Variants in ATG7 observed in about 807,000 individuals in gnomAD.
ATG7 encodes autophagy related 7.
A neutral mutation model predicts 82.4 loss-of-function variants in ATG7; 70 were observed. That is an observed-to-expected ratio of 0.85 (90% confidence interval 0.70 to 1.04). The LOEUF is 1.04. Ranked by LOEUF, ATG7 falls within the 50% of genes least tolerant of loss-of-function variation. The pLI, the probability that ATG7 is intolerant of heterozygous loss-of-function variation, is 0.00. For missense variants in ATG7, 792 were observed against 864.3 expected, an observed-to-expected ratio of 0.92 and a Z score of 1.05; for synonymous variants, 287 against 313.0, an observed-to-expected ratio of 0.92 and a Z score of 0.88.
At chr3:11,459,865 C>T (rs2086136818) in intron 20 of ATG7, among the ~76,000 whole-genome samples, 1 of 152,182 alleles carries the variant, frequency 6.6e-6, no homozygotes, top group Non-Finnish European at 1.5e-5. Flanking sequence ...GTAGATGATG[C>T]TTAATGTGCC....
intron 12 of ATG7, among the ~76,000 whole-genome samples, chr3:11,341,070 C>T (rs1327003297): frequency 5.3e-5 from 8 of 151,502 alleles, no homozygotes. Flanking sequence ...CCGCCCCGTC[C>T]CCCACCCCGC....
chr3:11,568,898 G>T, the ATG7 span: 1 of 1,312,072 alleles, frequency 7.6e-7, no homozygotes, highest in South Asian at 1.7e-5. The surrounding 1 kb of genome is among the most constrained non-coding windows in gnomAD (Gnocchi z 5.9). Context: ...CCCGCCCCGG[G>T]CCTCATCCCC....
At chr3:11,513,987 C>T (rs2124837506) in intron 20 of ATG7, among the ~76,000 whole-genome samples, 1 of 152,312 alleles carries the variant, frequency 6.6e-6, no homozygotes, top group South Asian at 2.1e-4. Flanking sequence ...CCTCAGCCTC[C>T]CAAGTAGCTA....
At chr3:11,551,196 C>T (rs1191914731) in intron 20 of ATG7, among the ~76,000 whole-genome samples, 9 of 152,196 alleles carry the variant, frequency 5.9e-5, no homozygotes, top group African/African-American at 1.4e-4. Flanking sequence ...TCCGTGCTGA[C>T]GCACCCTCTC....
At chr3:11,307,114 G>A in intron 6 of ATG7, 54 bp downstream of exon 6, 1 of 1,528,686 alleles carries the variant, frequency 6.5e-7, no homozygotes. Flanking sequence ...CCTGGCAGGT[G>A]CAGTGTTTGT....
intron 20 of ATG7, among the ~76,000 whole-genome samples, chr3:11,483,637 G>A (rs377609395): frequency 1.9e-3 from 284 of 152,234 alleles, no homozygotes; most frequent in African/African-American, 6.3e-3. Flanking sequence ...TCAAATCCTT[G>A]TATATAGAAG....
At position 11,363,969 on chromosome 3, in the gene ATG7, T is replaced by C. The variant is rs957602861; in HGVS notation, c.1800-690T>C. 3.3e-5 allele frequency among the ~76,000 whole-genome samples: 5 copies of C among 152,202 alleles called. No homozygotes were observed. The East Asian group carries it at 9.6e-4, about 29-fold the overall frequency. On this transcript the variant is annotated intron_variant, in intron 17 of 20. Transcript: ENST00000693202. ...ACCTTAGCTATCTGTCATTTAAGTT[T>C]ATTGCCACTCTCTGACAGGAAGTAT...
chr3:11,506,305 T>C (rs541709471), intron 20 of ATG7, among the ~76,000 whole-genome samples: 1 of 152,198 alleles, frequency 6.6e-6, no homozygotes, highest in Non-Finnish European at 1.5e-5. Flanking sequence ...ATTTGATTAT[T>C]TAAATGTAAT....
intron 19 of ATG7, among the ~76,000 whole-genome samples, chr3:11,405,532 A>G (rs763267854): frequency 1.3e-5 from 2 of 152,148 alleles, no homozygotes; most frequent in Admixed American, 6.5e-5. Flanking sequence ...TGACATTGCT[A>G]TGTGTCATCT....
intron 20 of ATG7, among the ~76,000 whole-genome samples, chr3:11,440,571 G>A (rs4543003): frequency 0.12 from 18,164 of 149,188 alleles, 1,898 homozygotes; most frequent in African/African-American, 0.29. Context: ...TGATCCGCCC[G>A]CCTCGGCCTC....
At chr3:11,460,641 C>T (rs1382109570) in intron 20 of ATG7, among the ~76,000 whole-genome samples, 1 of 152,166 alleles carries the variant, frequency 6.6e-6, no homozygotes, top group Non-Finnish European at 1.5e-5. Context: ...AAATGAATTC[C>T]CTCCCTGTAC....
intron 20 of ATG7, among the ~76,000 whole-genome samples, chr3:11,434,963 A>G (rs1422360465): frequency 6.6e-6 from 1 of 152,192 alleles, no homozygotes; most frequent in African/African-American, 2.4e-5. Flanking sequence ...ATGCTTCCCC[A>G]CTTAAAATGA....
intron 20 of ATG7, among the ~76,000 whole-genome samples, chr3:11,515,298 G>A (rs573679543): frequency 4.1e-4 from 2 of 4,864 alleles, no homozygotes; most frequent in African/African-American, 9.4e-4. Flanking sequence ...TCTCTTGCGC[G>A]TGTGTGTGTA....
intron 5 of ATG7, among the ~76,000 whole-genome samples, chr3:11,304,149 G>A (rs1221284389): frequency 6.6e-6 from 1 of 152,150 alleles, no homozygotes; most frequent in African/African-American, 2.4e-5. Flanking sequence ...TAGAGAAATA[G>A]AAGGCATAAT....
intron 20 of ATG7, among the ~76,000 whole-genome samples, chr3:11,462,525 A>G (rs1294799830): frequency 6.6e-6 from 1 of 152,158 alleles, no homozygotes; most frequent in Non-Finnish European, 1.5e-5. Context: ...AGGGTTGGCT[A>G]GTTTGAATAA....
chr3:11,388,998 A>G lies in ATG7; in HGVS notation c.1956+8946A>G, dbSNP rs182073534. On this transcript the variant is annotated intron_variant, in intron 19 of 20. Coordinates refer to ENST00000693202, the MANE Select transcript of ATG7 (RefSeq NM_001349232.2). ...CATGGTGGTTCACACCTGTAATATCAGCACTGTGGGAGGCTGAGGGGGGCA... is the reference window on the plus strand; with the variant it reads ...CATGGTGGTTCACACCTGTAATATCGGCACTGTGGGAGGCTGAGGGGGGCA... Among the ~76,000 whole-genome samples, 46 of 152,210 alleles carry G rather than the reference A, an allele frequency of 3.0e-4. 1 individual carries two copies. Among genetic ancestry groups the G allele is most frequent in the African/African-American group, 1.1e-3 (45 of 41,542 alleles).
At chr3:11,534,422 T>C (rs1306051865) in intron 20 of ATG7, among the ~76,000 whole-genome samples, 1 of 152,204 alleles carries the variant, frequency 6.6e-6, no homozygotes, top group Non-Finnish European at 1.5e-5. Context: ...TCAGCATCTG[T>C]CCTCACATCT....
At chr3:11,409,611 C>T (rs187184369) in intron 19 of ATG7, among the ~76,000 whole-genome samples, 82 of 152,242 alleles carry the variant, frequency 5.4e-4, no homozygotes, top group African/African-American at 2.0e-3. Flanking sequence ...TAGATCATGC[C>T]TTTGGTGTTG....
At chr3:11,540,926 G>A (rs1335208938) in intron 20 of ATG7, among the ~76,000 whole-genome samples, 1 of 141,580 alleles carries the variant, frequency 7.1e-6, no homozygotes, top group Non-Finnish European at 1.6e-5. Context: ...GAGGGGGGGA[G>A]TCTTGCTCTG....
Sources: allele counts gnomAD v4.1 joint callset (sites outside exome capture counted in the v4.1 genomes callset), GRCh38; gene constraint gnomAD v4.1.1; non-coding constraint Gnocchi (gnomAD v3.1); transcripts MANE v1.5; gene names NCBI Gene and HGNC (gene_info 2026-07-23, HGNC 2026-07-21).